The following EMCN variants were observed in gnomAD, a reference collection of about 807,000 sequenced individuals.
EMCN encodes the protein MUC-14.
In EMCN, 37 loss-of-function variants were observed where a neutral mutation model predicts 38.4. The observed-to-expected ratio is 0.96, with a 90% CI of 0.74 to 1.27. The LOEUF (loss-of-function observed/expected upper bound fraction) is 1.27. Among genes scored for constraint, EMCN ranks in the 50% most tolerant of loss-of-function variants. EMCN has a pLI of 0.00. For missense variants in EMCN, 318 were observed against 302.8 expected, an observed-to-expected ratio of 1.05 and a Z score of -0.37; for synonymous variants, 95 against 100.8, an observed-to-expected ratio of 0.94 and a Z score of 0.35.
chr4:100,441,125 T>G (rs1465601911), intron 5 of EMCN, among the ~76,000 whole-genome samples: 2 of 152,184 alleles, frequency 1.3e-5, no homozygotes, highest in Non-Finnish European at 2.9e-5. Context: ...TCCTTCAATA[T>G]TATAATATTG....
At chr4:100,512,532 T>C (rs1202261953) in intron 1 of EMCN, among the ~76,000 whole-genome samples, 1 of 152,154 alleles carries the variant, frequency 6.6e-6, no homozygotes, top group Non-Finnish European at 1.5e-5. Flanking sequence ...GAGCTGGGCA[T>C]GGTGGCTCAT....
chr4:100,488,501 G>C (rs561522164), intron 1 of EMCN, among the ~76,000 whole-genome samples: 7 of 152,138 alleles, frequency 4.6e-5, no homozygotes, highest in Admixed American at 6.6e-5. Context: ...GGAATACTTT[G>C]CTTTGGAATT....
At chr4:100,423,565 C>T (rs1035095300) in intron 5 of EMCN, among the ~76,000 whole-genome samples, 161 bp from the exon 6 acceptor site, 4 of 152,220 alleles carry the variant, frequency 2.6e-5, no homozygotes, top group African/African-American at 9.6e-5. Context: ...ATAAGTTCAT[C>T]CATTCCTCCT....
intron 4 of EMCN, among the ~76,000 whole-genome samples, chr4:100,450,636 A>G (rs1203810177): frequency 6.6e-6 from 1 of 151,968 alleles, no homozygotes; most frequent in African/African-American, 2.4e-5. Context: ...TAGACATGAG[A>G]ATACTTCTCA....
At chr4:100,433,013 A>T (rs1727246358) in intron 5 of EMCN, among the ~76,000 whole-genome samples, 1 of 152,158 alleles carries the variant, frequency 6.6e-6, no homozygotes, top group African/African-American at 2.4e-5. Context: ...TTTAGCATGA[A>T]TCCCAAATAC....
chr4:100,421,777 A>C (rs1174178228), intron 7 of EMCN, among the ~76,000 whole-genome samples: 1 of 152,086 alleles, frequency 6.6e-6, no homozygotes, highest in Non-Finnish European at 1.5e-5. Flanking sequence ...GGATTGCTTT[A>C]GTCCTAATGC....
chr4:100,507,505 C>T (rs1476444681), intron 1 of EMCN, among the ~76,000 whole-genome samples: 1 of 152,144 alleles, frequency 6.6e-6, no homozygotes, highest in East Asian at 1.9e-4. Flanking sequence ...GCACACTGCA[C>T]ATTGAGTGGA....
At position 100,451,956 on chromosome 4, in the gene EMCN, GAAGTT is replaced by G. The variant is rs1011187900; in HGVS notation, c.377-4390_377-4386del. Among the ~76,000 whole-genome samples the G allele has an allele frequency of 5.2e-4, 79 of 152,104 alleles. 1 individual carries two copies. The highest frequency in any genetic ancestry group is 1.8e-3 in the African/African-American group (75 of 41,548). On this transcript the variant is annotated intron_variant, in intron 4 of 11. Transcript: ENST00000296420. ...ACAGATGAAGAAACTGAGGCACTGA[GAAGTT>G]AAGTAGTGAATTAAAAACCACACAG...
At chr4:100,462,471 A>G (rs1728206663) in intron 4 of EMCN, among the ~76,000 whole-genome samples, 1 of 152,174 alleles carries the variant, frequency 6.6e-6, no homozygotes, top group Non-Finnish European at 1.5e-5. Flanking sequence ...TCCGTGAATG[A>G]CATTTTCTTC....
intron 1 of EMCN, among the ~76,000 whole-genome samples, chr4:100,505,355 C>A (rs910531927): frequency 3.3e-5 from 5 of 152,152 alleles, no homozygotes; most frequent in Admixed American, 1.3e-4. Context: ...CCTACAAAGC[C>A]TGCACTGCTT....
chr4:100,441,165 T>C (rs1453337840), intron 5 of EMCN, among the ~76,000 whole-genome samples: 1 of 152,162 alleles, frequency 6.6e-6, no homozygotes, highest in East Asian at 1.9e-4. Flanking sequence ...TGTCCATTAA[T>C]ATTTGCTTTA....
At chr4:100,449,030 T>G (rs573629191) in intron 4 of EMCN, among the ~76,000 whole-genome samples, 1 of 152,022 alleles carries the variant, frequency 6.6e-6, no homozygotes, top group Non-Finnish European at 1.5e-5. Flanking sequence ...CTTTAAAAAA[T>G]TATTATTTTC....
intron 3 of EMCN, among the ~76,000 whole-genome samples, chr4:100,471,553 A>G (rs1283638834): frequency 6.6e-6 from 1 of 152,010 alleles, no homozygotes; most frequent in Non-Finnish European, 1.5e-5. Context: ...TCTTTCAAAA[A>G]TTAGTAGAGA....
intron 11 of EMCN, among the ~76,000 whole-genome samples, chr4:100,409,487 T>G (rs1268008165): frequency 6.6e-6 from 1 of 152,192 alleles, no homozygotes; most frequent in Non-Finnish European, 1.5e-5. Flanking sequence ...TTACTCCTGG[T>G]CATGACATGG....
chr4:100,474,801 T>A (rs898266799), intron 3 of EMCN, among the ~76,000 whole-genome samples: 1 of 152,118 alleles, frequency 6.6e-6, no homozygotes, highest in Non-Finnish European at 1.5e-5. Context: ...AACAGGCAAA[T>A]CTATAAAGGA....
At chr4:100,483,402 C>T (rs1728861818) in intron 1 of EMCN, 1 of 152,108 alleles carries the variant, frequency 6.6e-6, no homozygotes. Context: ...CAGCTGCTCT[C>T]TGCTTTTGAC....
In EMCN at chr4:100,480,155, G is replaced by A. The variant is rs887872245; in HGVS notation, c.65-116C>T. On this transcript the variant is annotated intron_variant, in intron 1 of 11. Transcript: ENST00000296420. ...ATGTGAATTTGCAACCAATTTTCCAGTTGTAATCAATTTATCCTTAGCTCA... is the reference window on the plus strand; with the variant it reads ...ATGTGAATTTGCAACCAATTTTCCAATTGTAATCAATTTATCCTTAGCTCA... 8.3e-5 allele frequency: 69 copies of A among 831,964 alleles called. No homozygotes were observed. In the African/African-American group the frequency reaches 1.2e-3, roughly 14 times the overall value. The allele number at this position is 831,964 out of a possible 1,614,324, so 51.5% of individuals were successfully genotyped here. A position where few individuals can be genotyped will look rare whatever the true frequency, so the allele number is the denominator to read the frequency against.
intron 5 of EMCN, among the ~76,000 whole-genome samples, chr4:100,440,996 G>A (rs752987914): frequency 6.6e-6 from 1 of 152,044 alleles, no homozygotes; most frequent in Non-Finnish European, 1.5e-5. Context: ...GCTGAGGCAG[G>A]AGAATGGTGT....
At position 100,440,607 on chromosome 4, in the gene EMCN, G is replaced by A. The variant is rs75825569; in HGVS notation, c.415+6926C>T. Among the ~76,000 whole-genome samples the A allele has an allele frequency of 3.4e-4, 51 of 151,936 alleles. 1 individual carries two copies. In the East Asian group the frequency reaches 9.7e-3, roughly 29 times the overall value. ...ATGGCTGAGAAGTATTCTATGGTGT[G>A]TGTGTATATATATATGTGATATATA... On this transcript the variant is annotated intron_variant, in intron 5 of 11. Transcript: ENST00000296420.
Sources: allele counts gnomAD v4.1 joint callset (sites outside exome capture counted in the v4.1 genomes callset), GRCh38; gene constraint gnomAD v4.1.1; transcripts MANE v1.5; gene names NCBI Gene and HGNC (gene_info 2026-07-23, HGNC 2026-07-21).